The following ERI1 variants were observed in gnomAD, a reference collection of about 807,000 sequenced individuals.
ERI1 encodes the protein exoribonuclease 1, also known as 3'-5' exoribonuclease 1.
In ERI1, 39 loss-of-function variants were observed where a neutral mutation model predicts 39.7. The observed-to-expected ratio is 0.98, with a 90% CI of 0.76 to 1.28. ERI1 has a LOEUF of 1.28. Ranked by LOEUF, ERI1 falls within the 50% of genes most tolerant of loss-of-function variation. The pLI, the probability that ERI1 is intolerant of heterozygous loss-of-function variation, is 0.00. For synonymous variants in ERI1, 204 were observed against 149.6 expected, an observed-to-expected ratio of 1.36 and a Z score of -2.65; for missense variants, 581 against 416.9, an observed-to-expected ratio of 1.39 and a Z score of -3.43.
chr8:9,059,334 T>C (rs1237440291), intron 3 of ERI1, among the ~76,000 whole-genome samples: 1 of 151,956 alleles, frequency 6.6e-6, no homozygotes, highest in Non-Finnish European at 1.5e-5. Context: ...CTTATATTAA[T>C]AAGAAAAATA....
chr8:9,004,495 T>TC (rs1417284608), intron 1 of ERI1, among the ~76,000 whole-genome samples: 2 of 145,364 alleles, frequency 1.4e-5, no homozygotes, highest in East Asian at 4.0e-4. Context: ...CTTTTTTTTT[T>TC]TTTTTTTTTT....
In ERI1 at chr8:9,046,246, G is replaced by A. The variant is rs142848958; in HGVS notation, n.299+25782G>A. The stretch of plus-strand genomic sequence containing the variant: ...GGTTCTGAAAGATGCTAGTTCTTCT[G>A]AGCATATCTCTTGAGTGGCAGTGAT... On this transcript the variant is annotated intron_variant and non_coding_transcript_variant, in intron 3 of 3. Transcript: ENST00000518663. Among the ~76,000 whole-genome samples, 230 of 152,308 alleles carry A rather than the reference G, an allele frequency of 1.5e-3. 2 individuals are homozygous for A. The highest frequency in any genetic ancestry group is 5.1e-3 in the African/African-American group (211 of 41,560).
intron 3 of ERI1, among the ~76,000 whole-genome samples, chr8:9,044,548 T>C (rs1247611267): frequency 1.3e-5 from 2 of 152,096 alleles, no homozygotes; most frequent in Non-Finnish European, 2.9e-5. Context: ...CAATCCATGA[T>C]GTGGCCAAAG....
chr8:9,089,256 T>A (rs1414050406), intron 3 of ERI1, among the ~76,000 whole-genome samples: 1 of 152,152 alleles, frequency 6.6e-6, no homozygotes, highest in African/African-American at 2.4e-5. Flanking sequence ...TCACCTTCTT[T>A]AATTTATTTA....
intron 1 of ERI1, among the ~76,000 whole-genome samples, chr8:9,004,969 A>G (rs1277640698): frequency 2.6e-5 from 4 of 152,088 alleles, no homozygotes; most frequent in African/African-American, 7.2e-5. Flanking sequence ...ATTACAGGCA[A>G]TGAGCCACTG....
chr8:9,079,928 C>G (rs1210788193), intron 3 of ERI1, among the ~76,000 whole-genome samples: 1 of 151,686 alleles, frequency 6.6e-6, no homozygotes, highest in Non-Finnish European at 1.5e-5. Context: ...GCCTTGGCCT[C>G]CCAAAGTGCT....
intron 4 of ERI1, among the ~76,000 whole-genome samples, chr8:9,017,983 C>T (rs1407492719): frequency 6.6e-6 from 1 of 152,174 alleles, no homozygotes; most frequent in Non-Finnish European, 1.5e-5. Flanking sequence ...AGAGATTTCT[C>T]TTTTCCCTCC....
chr8:9,070,058 G>A (rs1798999393), intron 3 of ERI1, among the ~76,000 whole-genome samples: 1 of 151,998 alleles, frequency 6.6e-6, no homozygotes. Flanking sequence ...GGTTAACATG[G>A]TGAAACCCTG....
intron 3 of ERI1, among the ~76,000 whole-genome samples, chr8:9,089,783 G>A (rs1799647800): frequency 6.6e-6 from 1 of 152,198 alleles, no homozygotes. Flanking sequence ...AAAAACAGAG[G>A]GATTAGGTGG....
At chr8:9,085,940 A>T (rs1468452757) in intron 3 of ERI1, among the ~76,000 whole-genome samples, 1 of 152,076 alleles carries the variant, frequency 6.6e-6, no homozygotes, top group African/African-American at 2.4e-5. Flanking sequence ...TGCTTTTTTT[A>T]AAGTGTGTGC....
Position 9,081,201 on chromosome 8 carries a change from A to G in ERI1, n.300-35147A>G, listed in dbSNP as rs75615387. Among the ~76,000 whole-genome samples the G allele has an allele frequency of 1.3e-3, 200 of 152,282 alleles. No individual in the cohort carries two copies. In the East Asian group the frequency reaches 0.014, roughly 10 times the overall value. ...TGAAGGAAACCACCCATGTGATCCA[A>G]TCACCTCCCACCAGGACCCTCTGTT... On this transcript the variant is annotated intron_variant and non_coding_transcript_variant, in intron 3 of 3. Transcript: ENST00000518663.
At chr8:9,020,291 A>G (rs1817739220) in intron 5 of ERI1, 59 bp from the exon 6 acceptor site, 3 of 844,648 alleles carry the variant, frequency 3.6e-6, no homozygotes, top group Non-Finnish European at 1.8e-6. Context: ...TAAAATACTC[A>G]TTTGTAAGAA....
chr8:9,076,009 C>T (rs1312794486), intron 3 of ERI1, among the ~76,000 whole-genome samples: 4 of 152,072 alleles, frequency 2.6e-5, no homozygotes, highest in Non-Finnish European at 5.9e-5. Flanking sequence ...AATCATGGCT[C>T]ACTGCAGCCT....
chr8:9,068,951 G>A (rs1369670711), intron 3 of ERI1, among the ~76,000 whole-genome samples: 2 of 152,068 alleles, frequency 1.3e-5, no homozygotes, highest in Non-Finnish European at 2.9e-5. Context: ...CCTAGTAGCT[G>A]GGACTACAGG....
At chr8:9,036,486 A>G (rs185990672), downstream of ERI1, among the ~76,000 whole-genome samples, 27 of 152,296 alleles carry the variant, frequency 1.8e-4, 1 homozygote, top group Non-Finnish European at 1.6e-4. Flanking sequence ...TAAGGTATAT[A>G]TGTATTTTTT....
rs934239955 is a variant in ERI1, at chr8:9,031,073, A to G, written c.*1039A>G. On this transcript the variant is annotated 3_prime_UTR_variant, in exon 7 of 7. Transcript: ENST00000250263. ...TTCGACTTGATAAGGTAAAACTCTTATCTAGAGGCTAAACCCATGTATTTT... is the reference window on the plus strand; with the variant it reads ...TTCGACTTGATAAGGTAAAACTCTTGTCTAGAGGCTAAACCCATGTATTTT... 1.3e-5 allele frequency: 2 copies of G among 152,222 alleles called. No individual in the cohort carries two copies. The highest frequency in any genetic ancestry group is 4.8e-5 in the African/African-American group (2 of 41,456). The allele number at this position is 152,222 out of a possible 1,614,324, so 9.4% of individuals were successfully genotyped here. A position where few individuals can be genotyped will look rare whatever the true frequency, so the allele number is the denominator to read the frequency against.
At chr8:9,062,473 A>C (rs1798732024) in intron 3 of ERI1, among the ~76,000 whole-genome samples, 2 of 150,770 alleles carry the variant, frequency 1.3e-5, no homozygotes, top group Non-Finnish European at 3.0e-5. Context: ...ATGTTTTCTA[A>C]GTTGGCACCA....
Position 9,033,174 on chromosome 8 carries a change from G to A in ERI1, c.*3140G>A, listed in dbSNP as rs1049051655. 1.4e-5 allele frequency: 2 copies of A among 143,120 alleles called. No individual in the cohort carries two copies. The highest frequency in any genetic ancestry group is 5.3e-5 in the African/African-American group (2 of 38,024). The allele number at this position is 143,120 out of a possible 1,614,324, so 8.9% of individuals were successfully genotyped here. A position where few individuals can be genotyped will look rare whatever the true frequency, so the allele number is the denominator to read the frequency against. ...CGTAAATTTGTTAATCTAGAGCAGG[G>A]GTCAGCAAACTACCACCCATGGGCC... On this transcript the variant is annotated 3_prime_UTR_variant, in exon 7 of 7. Transcript: ENST00000250263.
chr8:9,058,865 A>C (rs1475273963), intron 3 of ERI1, among the ~76,000 whole-genome samples: 3 of 145,148 alleles, frequency 2.1e-5, no homozygotes, highest in African/African-American at 7.7e-5. Context: ...AAATAAATAA[A>C]TAAATCTTTT....
Sources: allele counts gnomAD v4.1 joint callset (sites outside exome capture counted in the v4.1 genomes callset), GRCh38; gene constraint gnomAD v4.1.1; transcripts MANE v1.5; gene names NCBI Gene and HGNC (gene_info 2026-07-23, HGNC 2026-07-21).